Variants in NCOR2 observed in about 807,000 individuals in gnomAD.
The protein encoded by NCOR2 is nuclear receptor corepressor 2, also known as CTG repeat protein 26.
NCOR2 carries 81 observed loss-of-function variants against 262.9 expected under a neutral mutation model. The observed-to-expected ratio is 0.31, with a 90% CI of 0.26 to 0.37. The LOEUF is 0.37. NCOR2 is among the 10% of genes least tolerant of loss of function. The pLI is 1.00. For missense variants in NCOR2, 3,385 were observed against 3,621.4 expected, an observed-to-expected ratio of 0.93 and a Z score of 1.68; for synonymous variants, 1,659 against 1,559.3, an observed-to-expected ratio of 1.06 and a Z score of -1.51.
intron 16 of NCOR2, among the ~76,000 whole-genome samples, chr12:124,386,212 G>A (rs2040793679): frequency 1.3e-5 from 2 of 152,130 alleles, no homozygotes; most frequent in Non-Finnish European, 2.9e-5. Flanking sequence ...GAGTCTGGGG[G>A]CGGAGGGCTG....
intron 16 of NCOR2, among the ~76,000 whole-genome samples, chr12:124,396,488 G>T (rs2041664114): frequency 6.6e-6 from 1 of 151,934 alleles, no homozygotes; most frequent in Non-Finnish European, 1.5e-5. Context: ...CTCTCTGGGG[G>T]CTGACAGCAG....
chr12:124,345,511 T>C (rs1341152209), intron 31 of NCOR2, among the ~76,000 whole-genome samples: 1 of 152,236 alleles, frequency 6.6e-6, no homozygotes, highest in Non-Finnish European at 1.5e-5. Flanking sequence ...CCAGGTCCCC[T>C]GCCTCTTTTC....
exon 39 of NCOR2, chr12:124,335,526 G>T: frequency 6.2e-7 from 1 of 1,608,894 alleles, no homozygotes. Context: ...GGCTCTTGTC[G>T]AGCTCTTCCA....
At chr12:124,429,677 G>T (rs766316741) in exon 10 of NCOR2, 2 of 1,608,982 alleles carry the variant, frequency 1.2e-6, no homozygotes, top group Admixed American at 1.7e-5. Flanking sequence ...GGCCGACATG[G>T]ACAGCCCACT....
At chr12:124,375,485 A>G (rs572348930) in intron 18 of NCOR2, among the ~76,000 whole-genome samples, 1 of 152,172 alleles carries the variant, frequency 6.6e-6, no homozygotes, top group Non-Finnish European at 1.5e-5. Context: ...CAGCACTTCT[A>G]ACAAATCCCA....
upstream of NCOR2, among the ~76,000 whole-genome samples, chr12:124,497,313 GTATGGCGCAAT>G (rs1221268458): frequency 3.3e-5 from 5 of 152,200 alleles, no homozygotes; most frequent in Non-Finnish European, 7.3e-5. This position sits in a 1 kb window ranked among gnomAD's most constrained non-coding sequence, Gnocchi z 4.2. Context: ...GAGACAGGAT[GTATGGCGCAAT>G]TCCCGTGAAC....
intron 11 of NCOR2, among the ~76,000 whole-genome samples, chr12:124,423,149 G>A (rs1040549515): frequency 3.9e-5 from 6 of 152,190 alleles, no homozygotes; most frequent in African/African-American, 1.4e-4. Flanking sequence ...GGCTTCCTGC[G>A]TAGCCAGGAG....
intron 3 of NCOR2, among the ~76,000 whole-genome samples, chr12:124,475,671 C>T (rs1457542448): frequency 1.3e-5 from 2 of 152,244 alleles, no homozygotes; most frequent in Non-Finnish European, 2.9e-5. Flanking sequence ...AGTTTGCTGG[C>T]CTCCTGCTCT....
intron 3 of NCOR2, among the ~76,000 whole-genome samples, chr12:124,478,341 G>A (rs2136743773): frequency 6.6e-6 from 1 of 152,316 alleles, no homozygotes; most frequent in East Asian, 1.9e-4. Flanking sequence ...TCCCCCTTAG[G>A]GATTTTCAGA....
chr12:124,347,810 G>T lies in NCOR2; in HGVS notation c.4072+15C>A. ...CCCGTTGGGGGCAACGAGGGAGCAG[G>T]GAACAGGGCAGTACCTTGTGTGATG... On this transcript the variant is annotated intron_variant, in intron 30 of 46. Coordinates refer to ENST00000405201, the Ensembl canonical transcript of NCOR2. 6.4e-7 allele frequency: 1 copy of T among 1,556,592 alleles called. No individual in the cohort carries two copies. Among genetic ancestry groups the T allele is most frequent in the South Asian group, 1.2e-5 (1 of 84,364 alleles).
At chr12:124,387,928 G>A (rs2040939835) in intron 16 of NCOR2, among the ~76,000 whole-genome samples, 1 of 152,124 alleles carries the variant, frequency 6.6e-6, no homozygotes, top group Non-Finnish European at 1.5e-5. Flanking sequence ...CAGGGGGTGG[G>A]GTGAGGGTGG....
chr12:124,336,490 G>A (rs1005552101), intron 38 of NCOR2: 24 of 774,032 alleles, frequency 3.1e-5, no homozygotes, highest in South Asian at 9.6e-5. Flanking sequence ...CGGAGTAGTC[G>A]TCAGCGCGTG....
intron 1 of NCOR2, among the ~76,000 whole-genome samples, chr12:124,516,231 T>C (rs1325607827): frequency 6.6e-6 from 1 of 152,134 alleles, no homozygotes; most frequent in African/African-American, 2.4e-5. Flanking sequence ...CGGTGTCACT[T>C]ACAAACACAG....
intron 37 of NCOR2, among the ~76,000 whole-genome samples, chr12:124,338,046 G>C (rs1328418529): frequency 2.0e-5 from 3 of 152,248 alleles, no homozygotes; most frequent in African/African-American, 7.2e-5. Flanking sequence ...CACCTGCTGG[G>C]TCTGAGTCAG....
chr12:124,438,137 C>G, intron 7 of NCOR2, 141 bp from the exon 10 acceptor site: 1 of 735,754 alleles, frequency 1.4e-6, no homozygotes. Context: ...CGTGCTGTAT[C>G]CCCAGAGAGA....
At chr12:124,429,165 G>A (rs1042951163) in intron 10 of NCOR2, among the ~76,000 whole-genome samples, 2 of 152,232 alleles carry the variant, frequency 1.3e-5, no homozygotes, top group African/African-American at 2.4e-5. Context: ...GGAACTCTTC[G>A]GCCTGCGCCA....
intron 20 of NCOR2, 116 bp from the exon 23 acceptor site, chr12:124,363,915 C>A: frequency 1.2e-6 from 1 of 864,700 alleles, no homozygotes; most frequent in Admixed American, 3.6e-5. Flanking sequence ...GAGGCTAAGG[C>A]CCTGAGACAC....
chr12:124,408,958 G>A (rs1287390909), intron 13 of NCOR2, among the ~76,000 whole-genome samples: 6 of 152,168 alleles, frequency 3.9e-5, no homozygotes, highest in African/African-American at 9.7e-5. Context: ...GCGGCAGCAC[G>A]TTGTCACGTG....
At chr12:124,325,377 G>GCACC (rs1555297216) in exon 47 of NCOR2, 4 of 251,138 alleles carry the variant, frequency 1.6e-5, no homozygotes, top group South Asian at 1.2e-4. Flanking sequence ...ACCTGACACC[G>GCACC]CCCCCCCCCC....
Sources: allele counts gnomAD v4.1 joint callset (sites outside exome capture counted in the v4.1 genomes callset), GRCh38; gene constraint gnomAD v4.1.1; non-coding constraint Gnocchi (gnomAD v3.1); transcripts MANE v1.5; gene names NCBI Gene and HGNC (gene_info 2026-07-23, HGNC 2026-07-21).